The following MCTP1 variants were observed in gnomAD, a reference collection of about 807,000 sequenced individuals.
MCTP1 encodes the protein multiple C2 and transmembrane domain containing 1, also known as multiple C2 and transmembrane domain-containing protein 1.
A neutral mutation model predicts 120.6 loss-of-function variants in MCTP1; 69 were observed. The observed-to-expected ratio is 0.57, with a 90% confidence interval of 0.47 to 0.70. The LOEUF (loss-of-function observed/expected upper bound fraction) is 0.70. Among genes scored for constraint, MCTP1 ranks in the 30% least tolerant of loss-of-function variants. MCTP1 has a pLI of 0.00. For synonymous variants in MCTP1, 529 were observed against 493.1 expected (o/e 1.07, Z -0.96); for missense variants, 1,203 against 1,248.8 (o/e 0.96, Z 0.55).
intron 2 of MCTP1, among the ~76,000 whole-genome samples, chr5:94,987,616 A>T (rs1265871005): frequency 6.6e-6 from 1 of 152,200 alleles, no homozygotes; most frequent in African/African-American, 2.4e-5. Context: ...AAAAGAGTAC[A>T]AAAGAGGACC....
In MCTP1 at chr5:95,100,692, G is replaced by T. The variant is rs140941060; in HGVS notation, c.721-83208C>A. ...ATTTTCACAGCTGACACCCCTGAGA[G>T]GCCACAGCACCTAGCACCCCTTAAC... On this transcript the variant is annotated intron_variant, in intron 1 of 22. Coordinates refer to ENST00000515393, the MANE Select transcript of MCTP1 (RefSeq NM_024717.7). 1.7e-3 allele frequency among the ~76,000 whole-genome samples: 260 copies of T among 152,208 alleles called. 3 individuals are homozygous for T. Among genetic ancestry groups the T allele is most frequent in the Middle Eastern group, 6.8e-3 (2 of 294 alleles).
intron 1 of MCTP1, among the ~76,000 whole-genome samples, chr5:95,090,451 G>C (rs1461950021): frequency 1.3e-5 from 2 of 152,126 alleles, no homozygotes; most frequent in Non-Finnish European, 2.9e-5. Context: ...TGCTGCTCCA[G>C]AGGAATCAGT....
chr5:95,275,406 G>C (rs558712874), intron 1 of MCTP1, among the ~76,000 whole-genome samples: 1 of 152,140 alleles, frequency 6.6e-6, no homozygotes, highest in Non-Finnish European at 1.5e-5. Context: ...GAGGGCAGGG[G>C]CTCCCTGGTC....
chr5:95,243,138 C>T (rs1394257083), intron 1 of MCTP1, among the ~76,000 whole-genome samples: 2 of 151,914 alleles, frequency 1.3e-5, no homozygotes, highest in Non-Finnish European at 2.9e-5. Context: ...ATGATGTGAT[C>T]AGGACAAACT....
intron 7 of MCTP1, among the ~76,000 whole-genome samples, chr5:94,920,705 G>A (rs1581365675): frequency 6.6e-6 from 1 of 151,496 alleles, no homozygotes; most frequent in Admixed American, 6.6e-5. Context: ...CCGCGCCACT[G>A]CACTCCAGCC....
chr5:95,228,333 G>A (rs1754516622), intron 1 of MCTP1, among the ~76,000 whole-genome samples: 1 of 152,146 alleles, frequency 6.6e-6, no homozygotes, highest in Non-Finnish European at 1.5e-5. Flanking sequence ...TGGACATACT[G>A]CCAATACCAG....
At chr5:95,102,442 A>G (rs530074463) in intron 1 of MCTP1, among the ~76,000 whole-genome samples, 21 of 152,354 alleles carry the variant, frequency 1.4e-4, no homozygotes, top group Middle Eastern at 3.4e-3. Flanking sequence ...TAAGCCACAA[A>G]GTTGAAGGGT....
chr5:95,157,557 G>T (rs1353428261), intron 1 of MCTP1, among the ~76,000 whole-genome samples: 2 of 152,160 alleles, frequency 1.3e-5, no homozygotes, highest in Non-Finnish European at 2.9e-5. Context: ...TATAAATAAG[G>T]CTAAAGACGA....
chr5:94,858,957 T>C (rs1032059613), intron 17 of MCTP1, among the ~76,000 whole-genome samples: 6 of 151,742 alleles, frequency 4.0e-5, no homozygotes, highest in Non-Finnish European at 7.4e-5. Flanking sequence ...TTGTACATGA[T>C]TCTATGTCAT....
intron 17 of MCTP1, among the ~76,000 whole-genome samples, chr5:94,863,299 C>G (rs550943039): frequency 8.6e-5 from 13 of 151,842 alleles, no homozygotes; most frequent in Non-Finnish European, 1.8e-4. Flanking sequence ...ACAAAAGTTA[C>G]ATCTAGAACA....
chr5:95,210,829 T>C lies in MCTP1; in HGVS notation c.720+73027A>G, dbSNP rs565599625. Among the ~76,000 whole-genome samples, 1,095 of 152,304 alleles carry C rather than the reference T, an allele frequency of 7.2e-3. 7 individuals are homozygous for C. The highest frequency in any genetic ancestry group is 0.026 in the African/African-American group (1,062 of 41,566). On this transcript the variant is annotated intron_variant, in intron 1 of 22. Coordinates refer to ENST00000515393, the MANE Select transcript of MCTP1 (RefSeq NM_024717.7). ...GGCTGGTACCGGTTGTTCCTTTCCA[T>C]GTTTAGTGCTTCCTTCAGGAGCTCT...
chr5:95,272,944 C>T (rs1759524983), intron 1 of MCTP1, among the ~76,000 whole-genome samples: 2 of 152,204 alleles, frequency 1.3e-5, no homozygotes. Flanking sequence ...ACAATCACAG[C>T]CAAACCCCAT....
chr5:94,790,614 C>T (rs1178369984), intron 18 of MCTP1, among the ~76,000 whole-genome samples: 1 of 152,086 alleles, frequency 6.6e-6, no homozygotes, highest in Non-Finnish European at 1.5e-5. Flanking sequence ...TAACTCATGT[C>T]GGGCCTTAAA....
At chr5:95,165,547 T>C (rs1746227514) in intron 1 of MCTP1, among the ~76,000 whole-genome samples, 1 of 152,204 alleles carries the variant, frequency 6.6e-6, no homozygotes, top group African/African-American at 2.4e-5. Context: ...TCAAATGTCT[T>C]GCATTAATAA....
At chr5:94,968,230 G>A (rs1826030661) in intron 2 of MCTP1, among the ~76,000 whole-genome samples, 1 of 152,056 alleles carries the variant, frequency 6.6e-6, no homozygotes, top group African/African-American at 2.4e-5. Context: ...GAGTTATATG[G>A]TCAAGTATAT....
At chr5:95,117,390 C>T (rs1222127192) in intron 1 of MCTP1, among the ~76,000 whole-genome samples, 1 of 66,104 alleles carries the variant, frequency 1.5e-5, no homozygotes, top group Non-Finnish European at 2.6e-5. Flanking sequence ...GACTCCGTCT[C>T]AAAAAAAAAA....
At chr5:94,895,980 T>C (rs1319656918) in intron 10 of MCTP1, among the ~76,000 whole-genome samples, 1 of 152,158 alleles carries the variant, frequency 6.6e-6, no homozygotes, top group Non-Finnish European at 1.5e-5. Context: ...CCTGAGAAAT[T>C]GAGAGATTAC....
At chr5:94,716,339 A>G (rs576733823) in intron 19 of MCTP1, among the ~76,000 whole-genome samples, 1 of 152,138 alleles carries the variant, frequency 6.6e-6, no homozygotes, top group South Asian at 2.1e-4. Context: ...AGAAGTCACC[A>G]TTCACTTGTC....
rs548644914 is a variant in MCTP1, at chr5:94,802,909, C to T, written c.2437-3777G>A. On this transcript the variant is annotated intron_variant, in intron 17 of 22. Transcript: ENST00000515393. ...TTTAGAATTTTTTGATGTTACAGTG[C>T]GGTGATAAGGACACTCACAAATGTC... 5.5e-4 allele frequency among the ~76,000 whole-genome samples: 84 copies of T among 152,222 alleles called. 1 individual carries two copies. The highest frequency in any genetic ancestry group is 7.7e-4 in the African/African-American group (32 of 41,534).
Sources: gnomAD v4.1 joint callset for allele counts (sites outside exome capture counted in the v4.1 genomes callset) on GRCh38, gnomAD v4.1.1 for gene constraint, MANE v1.5 for transcripts, NCBI Gene and HGNC (gene_info 2026-07-23, HGNC 2026-07-21) for gene names.